Variants in TAMM41 observed in about 807,000 individuals in gnomAD.
The protein encoded by TAMM41 is TAM41 mitochondrial translocator assembly and maintenance homolog, also known as phosphatidate cytidylyltransferase, mitochondrial.
In TAMM41, 36 loss-of-function variants were observed where a neutral mutation model predicts 44.1. The ratio of observed to expected loss-of-function variants is 0.82; its 90% CI spans 0.63 to 1.08. The LOEUF is 1.08. TAMM41 is among the 50% of genes least tolerant of loss of function. The pLI is 0.00. For synonymous variants in TAMM41, 164 were observed against 153.1 expected (o/e 1.07, Z -0.53); for missense variants, 417 against 404.3 (o/e 1.03, Z -0.27).
downstream of TAMM41, among the ~76,000 whole-genome samples, chr3:11,787,624 G>C (rs1164313397): frequency 2.0e-5 from 3 of 152,140 alleles, no homozygotes; most frequent in African/African-American, 7.2e-5. Flanking sequence ...CATCTGAACT[G>C]GATAGCAGAG....
chr3:11,745,645 A>G, the TAMM41 span, among the ~76,000 whole-genome samples: 60 of 152,312 alleles, frequency 3.9e-4, no homozygotes, highest in Non-Finnish European at 7.4e-4. Context: ...TAGAGACAGA[A>G]AGTAGAATAG....
rs1352176353 is a variant in TAMM41 at position 11,820,947 on chromosome 3, T to C, written c.563-3610A>G. On this transcript the variant is annotated intron_variant, in intron 4 of 7. Transcript: ENST00000455809. ...AGGGACCTCATTACAAGTATGCAGA[T>C]GTGAAGGGCTGCACAGTACAGCGGC... is the stretch of plus-strand genomic sequence containing the variant. 2.6e-5 allele frequency among the ~76,000 whole-genome samples: 4 copies of C among 152,336 alleles called. No homozygotes were observed. In the South Asian group the frequency reaches 6.2e-4, roughly 24 times the overall value.
chr3:11,845,033 G>T (rs1225947425), intron 1 of TAMM41: 8 of 455,720 alleles, frequency 1.8e-5, no homozygotes, highest in Non-Finnish European at 3.5e-5. Context: ...AGGGAGCCGT[G>T]TTGGAGGAAA....
chr3:11,816,030 GTA>G (rs1442744439), intron 5 of TAMM41, among the ~76,000 whole-genome samples: 13 of 152,082 alleles, frequency 8.5e-5, no homozygotes, highest in Non-Finnish European at 1.8e-4. Flanking sequence ...TGAGTGGTGG[GTA>G]TTCTCGCATT....
intron 5 of TAMM41, among the ~76,000 whole-genome samples, chr3:11,810,509 C>T (rs1240614856): frequency 1.3e-5 from 2 of 152,190 alleles, no homozygotes; most frequent in Non-Finnish European, 2.9e-5. Flanking sequence ...TTTTAAAAAT[C>T]TTGTAAACAT....
At position 11,839,319 on chromosome 3, in the gene TAMM41, A is replaced by T. The variant is rs2079329227; in HGVS notation, c.319-5T>A. The stretch of plus-strand genomic sequence containing the variant: ...AATAACTCCATATTTGATAAGCTGA[A>T]GGAAAAAAGAAATGGCACAAAACGG... On this transcript the variant is annotated splice_polypyrimidine_tract_variant and splice_region_variant and intron_variant, in intron 2 of 7. Transcript: ENST00000455809. The T allele has an allele frequency of 1.3e-6, 2 of 1,591,662 alleles. No homozygotes were observed. The highest frequency in any genetic ancestry group is 1.3e-5 in the African/African-American group (1 of 74,314).
At chr3:11,764,042 C>T in the TAMM41 span, among the ~76,000 whole-genome samples, 2 of 152,218 alleles carry the variant, frequency 1.3e-5, no homozygotes, top group Non-Finnish European at 2.9e-5. Flanking sequence ...CTAACTCTGT[C>T]GCCCAGGTTG....
the TAMM41 span, among the ~76,000 whole-genome samples, chr3:11,777,448 C>T: frequency 6.6e-6 from 1 of 152,178 alleles, no homozygotes; most frequent in Admixed American, 6.5e-5. Context: ...AACTTTCTAA[C>T]AGCTTCGTTG....
Position 11,794,187 on chromosome 3 carries a change from A to G in TAMM41, c.938-3606T>C, listed in dbSNP as rs137930964. 1.7e-4 allele frequency among the ~76,000 whole-genome samples: 25 copies of G among 149,168 alleles called. No individual in the cohort carries two copies. In the East Asian group the frequency reaches 4.7e-3, roughly 28 times the overall value. ...TTTTTTACTCTGTCGCCCAGGTTGG[A>G]GTGCAGTGGCATAATCAAAGCTCAC... On this transcript the variant is annotated intron_variant, in intron 7 of 7. Transcript: ENST00000455809.
intron 7 of TAMM41, among the ~76,000 whole-genome samples, chr3:11,797,158 A>G (rs1232908832): frequency 1.3e-5 from 2 of 152,248 alleles, no homozygotes; most frequent in Admixed American, 1.3e-4. Context: ...TTTAAAATTC[A>G]TATGGAACCA....
intron 3 of TAMM41, among the ~76,000 whole-genome samples, chr3:11,837,635 C>T (rs1021625936): frequency 1.3e-5 from 2 of 152,136 alleles, no homozygotes; most frequent in Non-Finnish European, 2.9e-5. Flanking sequence ...GAACACCAGT[C>T]CCTTGGAATG....
intron 5 of TAMM41, among the ~76,000 whole-genome samples, chr3:11,811,771 G>A (rs2078093306): frequency 6.6e-6 from 1 of 152,174 alleles, no homozygotes; most frequent in African/African-American, 2.4e-5. Flanking sequence ...GTGGATTAGT[G>A]GTTGCCTGGG....
chr3:11,748,469 G>A, the TAMM41 span, among the ~76,000 whole-genome samples: 1,226 of 151,736 alleles, frequency 8.1e-3, 19 homozygotes, highest in African/African-American at 0.028. Flanking sequence ...TTTTAGTACA[G>A]TGCAGTGGTG....
At chr3:11,792,173 A>AT (rs34977134) in intron 7 of TAMM41, among the ~76,000 whole-genome samples, 21,461 of 147,092 alleles carry the variant, frequency 0.15, 2,644 homozygotes, top group East Asian at 0.48. Flanking sequence ...CCATGTAGCC[A>AT]TTTTTTTTTT....
At chr3:11,746,932 G>C in the TAMM41 span, among the ~76,000 whole-genome samples, 1 of 152,142 alleles carries the variant, frequency 6.6e-6, no homozygotes, top group Non-Finnish European at 1.5e-5. Context: ...CACTATGCCA[G>C]ACCCATGCTG....
At chr3:11,788,792 C>T (rs867918749), downstream of TAMM41, among the ~76,000 whole-genome samples, 1 of 151,962 alleles carries the variant, frequency 6.6e-6, no homozygotes, top group Non-Finnish European at 1.5e-5. Context: ...AAAAAATTAG[C>T]TGGGCGTGGT....
At chr3:11,738,863 C>T in the TAMM41 span, among the ~76,000 whole-genome samples, 4 of 152,186 alleles carry the variant, frequency 2.6e-5, no homozygotes, top group Non-Finnish European at 4.4e-5. Flanking sequence ...TCAGCAAACT[C>T]CCGCTTGACC....
the TAMM41 span, among the ~76,000 whole-genome samples, chr3:11,778,275 A>G: frequency 1.3e-4 from 20 of 151,962 alleles, no homozygotes; most frequent in Non-Finnish European, 2.1e-4. Context: ...CCCAGGCTGG[A>G]GTGCAGTGGT....
chr3:11,743,176 C>T, the TAMM41 span, among the ~76,000 whole-genome samples: 5 of 152,022 alleles, frequency 3.3e-5, no homozygotes, highest in African/African-American at 1.2e-4. Flanking sequence ...GTGTCCATGT[C>T]GCTGAAGCCA....
Sources: gnomAD v4.1 joint callset for allele counts (sites outside exome capture counted in the v4.1 genomes callset) on GRCh38, gnomAD v4.1.1 for gene constraint, MANE v1.5 for transcripts, NCBI Gene and HGNC (gene_info 2026-07-23, HGNC 2026-07-21) for gene names.